Variants in PPP2CB observed in about 807,000 individuals in gnomAD.
PPP2CB encodes the protein serine/threonine-protein phosphatase 2A catalytic subunit beta isoform.
PPP2CB carries 18 observed loss-of-function variants against 39.1 expected under a neutral mutation model. That is an observed-to-expected ratio of 0.46 (90% confidence interval 0.32 to 0.68). The LOEUF (loss-of-function observed/expected upper bound fraction) is 0.68, where lower values mean the gene tolerates loss of function less well. Among genes scored for constraint, PPP2CB ranks in the 30% least tolerant of loss-of-function variants. PPP2CB has a pLI of 0.04. For missense variants in PPP2CB, 226 were observed against 396.9 expected (o/e 0.57, Z 3.66); for synonymous variants, 129 against 133.8 (o/e 0.96, Z 0.25).
chr8:30,808,910 A>ACTTTACATGGC (rs1806770756), intron 1 of PPP2CB, among the ~76,000 whole-genome samples: 2 of 146,936 alleles, frequency 1.4e-5, no homozygotes, highest in Non-Finnish European at 3.0e-5. Flanking sequence ...TCTCATTAGG[A>ACTTTACATGGC]CTTTACATGG....
chr8:30,797,365 C>T (rs1425361918), intron 3 of PPP2CB, among the ~76,000 whole-genome samples: 3 of 152,182 alleles, frequency 2.0e-5, no homozygotes, highest in South Asian at 2.1e-4. Context: ...AAAAGATTTA[C>T]ATACATATCT....
chr8:30,786,950 C>T (rs918533999), intron 6 of PPP2CB, among the ~76,000 whole-genome samples: 1 of 152,134 alleles, frequency 6.6e-6, no homozygotes, highest in Non-Finnish European at 1.5e-5. Context: ...CAGGCGTGAG[C>T]CACCGCGCCA....
At chr8:30,811,631 G>T (rs1226037055) in intron 1 of PPP2CB, among the ~76,000 whole-genome samples, 6 of 151,676 alleles carry the variant, frequency 4.0e-5, no homozygotes, top group Non-Finnish European at 8.8e-5. Context: ...GAATAGCTGG[G>T]ATTACAGGCA....
intron 6 of PPP2CB, among the ~76,000 whole-genome samples, chr8:30,787,162 C>T (rs1806356782): frequency 6.6e-6 from 1 of 152,146 alleles, no homozygotes; most frequent in Non-Finnish European, 1.5e-5. Context: ...TTACATATTG[C>T]TAGATCCAGG....
chr8:30,792,033 CATAT>C (rs766215502), intron 5 of PPP2CB, among the ~76,000 whole-genome samples: 1 of 151,214 alleles, frequency 6.6e-6, no homozygotes, highest in Non-Finnish European at 1.5e-5. Flanking sequence ...TATATGTATA[CATAT>C]ATATACATAC....
intron 6 of PPP2CB, chr8:30,786,509 T>TTTTTTTTTTTTTTTTTTTTTTTGAGACGG: frequency 2.6e-6 from 1 of 382,536 alleles, no homozygotes; most frequent in African/African-American, 2.1e-5. Context: ...GGTGAAAATT[T>TTTTTTTTTTTTTTTTTTTTTTTGAGACGG]AAGAAGACAG....
chr8:30,800,851 G>A (rs900246023), intron 1 of PPP2CB, among the ~76,000 whole-genome samples: 1 of 152,148 alleles, frequency 6.6e-6, no homozygotes, highest in Non-Finnish European at 1.5e-5. Flanking sequence ...TAAGAGATGA[G>A]AACTGGGACT....
At chr8:30,800,871 T>C (rs1488083633) in intron 1 of PPP2CB, among the ~76,000 whole-genome samples, 1 of 152,082 alleles carries the variant, frequency 6.6e-6, no homozygotes, top group Non-Finnish European at 1.5e-5. Context: ...TAATACAGAA[T>C]GCAAACCGAG....
chr8:30,800,527 G>A (rs1342409294), intron 1 of PPP2CB, among the ~76,000 whole-genome samples: 2 of 152,184 alleles, frequency 1.3e-5, no homozygotes, highest in East Asian at 1.9e-4. Context: ...AATTAAGTTA[G>A]AAAATACCAT....
At chr8:30,807,379 T>A (rs1806742240) in intron 1 of PPP2CB, among the ~76,000 whole-genome samples, 1 of 152,234 alleles carries the variant, frequency 6.6e-6, no homozygotes, top group African/African-American at 2.4e-5. Context: ...TAAGATGGTT[T>A]TGGGTATTCA....
rs1806419202 is a variant in PPP2CB, at chr8:30,790,985, T to C, written c.857+212A>G. ...ATTTAGTAGGTTTTCTTGAATTAACTGTTTCTCCACCTGCTGTATGCCCTT... is the reference window on the plus strand; with the variant it reads ...ATTTAGTAGGTTTTCTTGAATTAACCGTTTCTCCACCTGCTGTATGCCCTT... On this transcript the variant is annotated intron_variant, in intron 6 of 6. Transcript: ENST00000221138. 2 of 439,166 alleles carry C rather than the reference T, an allele frequency of 4.6e-6. 1 individual carries two copies. The highest frequency in any genetic ancestry group is 8.4e-5 in the Admixed American group (2 of 23,926). 27.2% of individuals were successfully genotyped at this position (439,166 alleles called of 1,614,324 possible).
At chr8:30,802,285 C>T (rs1586126137) in intron 1 of PPP2CB, among the ~76,000 whole-genome samples, 1 of 152,216 alleles carries the variant, frequency 6.6e-6, no homozygotes, top group East Asian at 1.9e-4. Flanking sequence ...AATAATTTTA[C>T]CAGAAGCCAA....
At chr8:30,804,287 G>A (rs943777347) in intron 1 of PPP2CB, among the ~76,000 whole-genome samples, 1 of 152,136 alleles carries the variant, frequency 6.6e-6, no homozygotes, top group African/African-American at 2.4e-5. Flanking sequence ...AATTTGCTAT[G>A]GAATAAAAAT....
chr8:30,794,473 CT>C (rs61107762), intron 3 of PPP2CB, 192 bp from the exon 4 acceptor site: 69,785 of 386,788 alleles, frequency 0.18, 488 homozygotes, highest in Non-Finnish European at 0.2. Flanking sequence ...CATTAAATTT[CT>C]TTTTTTTTTT....
Position 30,812,811 on chromosome 8 carries a change from C to T in PPP2CB, c.-390G>A. ...CGGCCTCTCCCGACTTGTCTTTCCC[C>T]TTCTCTCGCTCTTTCTCTCCCCTCC... On this transcript the variant is annotated 5_prime_UTR_variant, in exon 1 of 7. Transcript: ENST00000221138. 2.2e-6 allele frequency: 1 copy of T among 460,242 alleles called. No homozygotes were observed. The highest frequency in any genetic ancestry group is 4.4e-6 in the Non-Finnish European group (1 of 229,444). 28.5% of individuals were successfully genotyped at this position (460,242 alleles called of 1,614,324 possible).
chr8:30,810,523 A>G (rs1187055715), intron 1 of PPP2CB, among the ~76,000 whole-genome samples: 2 of 152,228 alleles, frequency 1.3e-5, no homozygotes, highest in Non-Finnish European at 2.9e-5. Context: ...CCATAACTTC[A>G]AGTCTGTATT....
intron 6 of PPP2CB, among the ~76,000 whole-genome samples, chr8:30,787,211 C>T (rs374379253): frequency 1.3e-5 from 2 of 152,130 alleles, no homozygotes; most frequent in African/African-American, 4.8e-5. Context: ...TATCTGTATT[C>T]GTAACAAATG....
intron 1 of PPP2CB, among the ~76,000 whole-genome samples, chr8:30,806,322 G>A (rs908635242): frequency 1.5e-4 from 23 of 151,814 alleles, no homozygotes; most frequent in African/African-American, 4.4e-4. Flanking sequence ...CCAAAGTGCT[G>A]GGATTACAGG....
intron 5 of PPP2CB, among the ~76,000 whole-genome samples, chr8:30,791,837 T>C (rs1459593630): frequency 1.3e-5 from 2 of 151,550 alleles, no homozygotes; most frequent in East Asian, 3.9e-4. Flanking sequence ...TATGTGTATA[T>C]ACATATGTAT....
Sources: allele counts gnomAD v4.1 joint callset (sites outside exome capture counted in the v4.1 genomes callset), GRCh38; gene constraint gnomAD v4.1.1; transcripts MANE v1.5; gene names NCBI Gene and HGNC (gene_info 2026-07-23, HGNC 2026-07-21).